Variants in POC1B observed in about 807,000 individuals in gnomAD.
POC1B encodes the protein POC1 centriolar protein B, also known as POC1 centriolar protein homolog B.
Under a neutral mutation model 60.6 loss-of-function variants are expected in POC1B, and 44 were observed. That is an observed-to-expected ratio of 0.73 (90% CI 0.57 to 0.93). The LOEUF (loss-of-function observed/expected upper bound fraction) is 0.93. Ranked by LOEUF, POC1B falls within the 40% of genes least tolerant of loss-of-function variation. POC1B has a pLI of 0.00. For missense variants in POC1B, 555 were observed against 572.3 expected (o/e 0.97, Z 0.31); for synonymous variants, 180 against 198.9 (o/e 0.90, Z 0.80).
At position 89,467,617 on chromosome 12, in the gene POC1B, C is replaced by T; in HGVS notation, c.879G>A (p.Gln293=). Residue 293 remains glutamine, a splice_region_variant and synonymous_variant, in exon 8 of 12, where the codon CAG becomes CAA. Transcript: ENST00000313546. ...ELFASGGADT[Q]VLLWRTNFDE... The stretch of plus-strand genomic sequence containing the variant: ...AAGAGGAGCTGAAAGATTTACAAAC[C>T]TGTGTGTCTGCACCTCCTGATGCAA... The T allele has an allele frequency of 6.2e-7, 1 of 1,608,504 alleles. No homozygotes were observed. The highest frequency in any genetic ancestry group is 1.3e-5 in the African/African-American group (1 of 74,888).
intron 8 of POC1B, 49 bp downstream of exon 8, chr12:89,467,568 G>C (rs752731974): frequency 1.4e-6 from 2 of 1,478,136 alleles, no homozygotes; most frequent in Non-Finnish European, 1.9e-6. Context: ...TGAGGTCAAG[G>C]ATTCCTTTAC....
chr12:89,472,270 G>A lies in POC1B; in HGVS notation c.458C>T (p.Ser153Leu), dbSNP rs1882929261. ...TGACACAATTAGTCTTCCATCGGGT[G>A]AAAATCTAGAAAGAAGAAGAAAGAA... ...HTHWVRCAKF[S>L]PDGRLIVSCS... Residue 153 changes from serine (S) to leucine (L), a missense_variant, in exon 5 of 12, where the codon TCA (serine) becomes TTA (leucine). Ser to Leu is a moderately radical substitution (Grantham distance 145, BLOSUM62 -2). Coordinates refer to ENST00000313546, the MANE Select transcript of POC1B (RefSeq NM_172240.3). The A allele has an allele frequency of 6.5e-7, 1 of 1,540,064 alleles. No individual in the cohort carries two copies. The highest frequency in any genetic ancestry group is 8.8e-7 in the Non-Finnish European group (1 of 1,139,870).
chr12:89,519,933 A>G (rs1017642343), intron 2 of POC1B: 4 of 152,202 alleles, frequency 2.6e-5, no homozygotes, highest in African/African-American at 7.2e-5. Context: ...ACTGTTTTTA[A>G]GCATATACAT....
chr12:89,494,852 A>G (rs1869165717), intron 3 of POC1B, among the ~76,000 whole-genome samples: 1 of 152,210 alleles, frequency 6.6e-6, no homozygotes, highest in Admixed American at 6.5e-5. Context: ...AACAGAGCCC[A>G]TCTTTCCTCT....
chr12:89,467,599 G>C lies in POC1B; in HGVS notation c.879+18C>G. On this transcript the variant is annotated intron_variant, in intron 8 of 11. Coordinates refer to ENST00000313546, the MANE Select transcript of POC1B (RefSeq NM_172240.3). ...TTTACCTTAACCAAATCAAAGAGGA[G>C]CTGAAAGATTTACAAACCTGTGTGT... 6.3e-7 allele frequency: 1 copy of C among 1,594,784 alleles called. No individual in the cohort carries two copies. The highest frequency in any genetic ancestry group is 8.6e-7 in the Non-Finnish European group (1 of 1,164,154).
chr12:89,515,689 A>T (rs1870408519), intron 2 of POC1B, among the ~76,000 whole-genome samples: 2 of 152,092 alleles, frequency 1.3e-5, no homozygotes. Flanking sequence ...CACCAGCAGA[A>T]CATGAGCACT....
chr12:89,456,519 T>C (rs1882267589), intron 10 of POC1B, among the ~76,000 whole-genome samples: 1 of 152,182 alleles, frequency 6.6e-6, no homozygotes, highest in South Asian at 2.1e-4. Context: ...AAATGGAATC[T>C]TGAACTAAAT....
the POC1B span, among the ~76,000 whole-genome samples, chr12:89,402,338 T>TACAC: frequency 4.0e-3 from 595 of 149,042 alleles, 5 homozygotes; most frequent in African/African-American, 0.014. Context: ...TTATCACAAA[T>TACAC]ACACACACAC....
Position 89,467,636 on chromosome 12 carries a change from G to A in POC1B, c.860C>T (p.Ser287Leu), listed in dbSNP as rs1395517120. Reference protein sequence around the residue: ...SFSKGGELFASGGADTQVLLW... With the variant: ...SFSKGGELFALGGADTQVLLW... ...ACAAACCTGTGTGTCTGCACCTCCT[G>A]ATGCAAATAGCTCTCCACCTTTTGA... Residue 287 changes from serine (S) to leucine (L), a missense_variant, in exon 8 of 12, where the codon TCA becomes TTA. Physicochemically the swap from Ser to Leu is moderately radical, Grantham distance 145 (BLOSUM62 -2). Coordinates refer to ENST00000313546, the MANE Select transcript of POC1B (RefSeq NM_172240.3). 1.2e-6 allele frequency: 2 copies of A among 1,611,916 alleles called. No individual in the cohort carries two copies. The highest frequency in any genetic ancestry group is 4.5e-5 in the East Asian group (2 of 44,798).
At chr12:89,460,245 G>A (rs1435808866) in intron 9 of POC1B, among the ~76,000 whole-genome samples, 1 of 151,760 alleles carries the variant, frequency 6.6e-6, no homozygotes, top group Non-Finnish European at 1.5e-5. Flanking sequence ...AATTTTAAAG[G>A]ACACCATTTA....
chr12:89,525,206 TGGAAA>T lies in POC1B; in HGVS notation c.16-7_16-3del. The T allele has an allele frequency of 6.2e-7, 1 of 1,606,112 alleles. No homozygotes were observed. The highest frequency in any genetic ancestry group is 8.5e-7 in the Non-Finnish European group (1 of 1,176,318). Reference sequence around the variant, plus strand: ...ATAACGCTCCAGAACGGGGTCCTCCTGGAAAGGAAAGTTGTCAAGTTTTGAAAGCC... The same window carrying T: ...ATAACGCTCCAGAACGGGGTCCTCCTGGAAAGTTGTCAAGTTTTGAAAGCC... On this transcript the variant is annotated splice_polypyrimidine_tract_variant and splice_region_variant and intron_variant, in intron 1 of 11. Transcript: ENST00000313546.
At chr12:89,504,785 G>T (rs1869818888) in intron 2 of POC1B, among the ~76,000 whole-genome samples, 1 of 152,116 alleles carries the variant, frequency 6.6e-6, no homozygotes, top group Admixed American at 6.5e-5. Flanking sequence ...ACATAACAAA[G>T]TGTGCATATA....
chr12:89,475,420 C>T (rs1883065597), intron 4 of POC1B, among the ~76,000 whole-genome samples: 1 of 152,146 alleles, frequency 6.6e-6, no homozygotes, highest in African/African-American at 2.4e-5. Flanking sequence ...GGCCTTCCCC[C>T]TGCTCTGGTC....
chr12:89,413,860 C>T, the POC1B span, among the ~76,000 whole-genome samples: 3 of 151,734 alleles, frequency 2.0e-5, no homozygotes, highest in East Asian at 3.9e-4. Context: ...TGCATTTCTG[C>T]CAATTATTTA....
intron 2 of POC1B, among the ~76,000 whole-genome samples, chr12:89,499,228 T>C (rs1284434967): frequency 6.6e-6 from 1 of 152,174 alleles, no homozygotes; most frequent in Non-Finnish European, 1.5e-5. Context: ...TGTGCCATTA[T>C]CCTAAGCGAA....
At chr12:89,471,502 CA>C (rs1432208544) in intron 6 of POC1B, 111 bp downstream of exon 6, 1 of 782,784 alleles carries the variant, frequency 1.3e-6, no homozygotes, top group East Asian at 2.8e-5. Flanking sequence ...TAGCCTGTTC[CA>C]AGGCAGCCCA....
At chr12:89,524,826 G>T in intron 2 of POC1B, 1 of 614,964 alleles carries the variant, frequency 1.6e-6, no homozygotes, top group Non-Finnish European at 2.8e-6. Context: ...TCCCCGGGCC[G>T]AGGAGAAACC....
chr12:89,411,684 A>G, the POC1B span, among the ~76,000 whole-genome samples: 1 of 152,198 alleles, frequency 6.6e-6, no homozygotes, highest in Non-Finnish European at 1.5e-5. Flanking sequence ...TCCCGCCTCA[A>G]TGTTGCATCT....
At chr12:89,459,451 T>TC (rs1445847489) in intron 10 of POC1B, among the ~76,000 whole-genome samples, 187 bp downstream of exon 10, 5 of 147,074 alleles carry the variant, frequency 3.4e-5, no homozygotes, top group Admixed American at 6.8e-5. Context: ...TTGTTGCTGC[T>TC]CCCCCCTTGT....
Sources: gnomAD v4.1 joint callset for allele counts (sites outside exome capture counted in the v4.1 genomes callset) on GRCh38, gnomAD v4.1.1 for gene constraint, MANE v1.5 for transcripts, NCBI Gene and HGNC (gene_info 2026-07-23, HGNC 2026-07-21) for gene names.